The following SLC49A4 variants were observed in gnomAD, a reference collection of about 807,000 sequenced individuals.
SLC49A4 encodes disrupted in renal cancer protein 2.
Under a neutral mutation model 50.6 loss-of-function variants are expected in SLC49A4, and 36 were observed. That is an observed-to-expected ratio of 0.71 (90% confidence interval 0.55 to 0.94). The LOEUF (loss-of-function observed/expected upper bound fraction) is 0.94, where lower values mean the gene tolerates loss of function less well. SLC49A4 is among the 40% of genes least tolerant of loss of function. The pLI is 0.00. For synonymous variants in SLC49A4, 248 were observed against 241.2 expected (o/e 1.03, Z -0.26); for missense variants, 503 against 605.7 (o/e 0.83, Z 1.78).
intron 5 of SLC49A4, among the ~76,000 whole-genome samples, chr3:122,854,952 G>T (rs1219484436): frequency 6.6e-6 from 1 of 152,108 alleles, no homozygotes; most frequent in African/African-American, 2.4e-5. Flanking sequence ...AATTAGCCGG[G>T]CGTGGTGGCG....
intron 4 of SLC49A4, among the ~76,000 whole-genome samples, chr3:122,834,106 T>G (rs1056217589): frequency 2.6e-5 from 4 of 152,196 alleles, no homozygotes; most frequent in Non-Finnish European, 5.9e-5. Flanking sequence ...CACTAGACTT[T>G]GTCATTTGAA....
intron 4 of SLC49A4, among the ~76,000 whole-genome samples, chr3:122,840,672 T>C (rs1394616259): frequency 6.6e-6 from 1 of 152,176 alleles, no homozygotes; most frequent in Non-Finnish European, 1.5e-5. Flanking sequence ...TTAAAGCACA[T>C]GTCAATTTGG....
intron 3 of SLC49A4, among the ~76,000 whole-genome samples, chr3:122,829,821 G>A (rs1560210392): frequency 6.6e-6 from 1 of 152,220 alleles, no homozygotes; most frequent in Admixed American, 6.5e-5. Flanking sequence ...ATTTTTCCAT[G>A]CCTTTTTAAA....
In SLC49A4 at chr3:122,826,916, T is replaced by C. The variant is rs564435130; in HGVS notation, c.554T>C (p.Ile185Thr). 6.2e-7 allele frequency: 1 copy of C among 1,614,224 alleles called. No homozygotes were observed. The highest frequency in any genetic ancestry group is 1.1e-5 in the South Asian group (1 of 91,086). ...SADERATATA[I>T]ASMLSYLGGA... The stretch of plus-strand genomic sequence containing the variant: ...GATGAAAGGGCCACAGCCACAGCTA[T>C]TGCATCAATGCTCAGTTATCTTGGG... The change falls in exon 3 of 9, where the codon ATT becomes ACT. Residue 185 changes from isoleucine to threonine, a missense_variant. Physicochemically the swap from Ile to Thr is moderately conservative, Grantham distance 89. Coordinates refer to ENST00000261038, the MANE Select transcript of SLC49A4 (RefSeq NM_032839.3).
intron 6 of SLC49A4, among the ~76,000 whole-genome samples, 172 bp downstream of exon 6, chr3:122,856,546 C>T (rs976558953): frequency 6.6e-6 from 1 of 152,172 alleles, no homozygotes; most frequent in Non-Finnish European, 1.5e-5. Context: ...TATAGAATTG[C>T]TGCTAACAGG....
intron 1 of SLC49A4, among the ~76,000 whole-genome samples, chr3:122,805,395 G>T (rs191094385): frequency 6.6e-6 from 1 of 152,070 alleles, no homozygotes; most frequent in Non-Finnish European, 1.5e-5. Context: ...TATTTTCTTT[G>T]CTATGTTTGA....
chr3:122,863,091 G>A (rs1173235488), intron 7 of SLC49A4, among the ~76,000 whole-genome samples: 1 of 152,170 alleles, frequency 6.6e-6, no homozygotes, highest in Non-Finnish European at 1.5e-5. Context: ...GAATTTATAA[G>A]TTCTACTGTT....
At chr3:122,869,184 G>T (rs887549597) in intron 7 of SLC49A4, among the ~76,000 whole-genome samples, 3 of 151,900 alleles carry the variant, frequency 2.0e-5, no homozygotes, top group African/African-American at 7.3e-5. Context: ...TCAAGTAGTA[G>T]AAAAAGAGTA....
intron 3 of SLC49A4, among the ~76,000 whole-genome samples, chr3:122,829,037 A>C (rs1435494163): frequency 6.6e-6 from 1 of 152,236 alleles, no homozygotes; most frequent in Non-Finnish European, 1.5e-5. Flanking sequence ...AGACTGTCCC[A>C]GGACTTCATT....
chr3:122,851,993 C>CTTTT (rs368287566), intron 5 of SLC49A4, among the ~76,000 whole-genome samples: 3 of 128,030 alleles, frequency 2.3e-5, no homozygotes, highest in East Asian at 2.2e-4. Context: ...ATCTTTGATT[C>CTTTT]TTTTTTTTTT....
chr3:122,796,306 A>G (rs1239431614), intron 1 of SLC49A4, among the ~76,000 whole-genome samples: 1 of 152,198 alleles, frequency 6.6e-6, no homozygotes, highest in Non-Finnish European at 1.5e-5. Flanking sequence ...GCAAGATTTT[A>G]TATTTATTAA....
At chr3:122,804,593 G>A (rs528111156) in intron 1 of SLC49A4, among the ~76,000 whole-genome samples, 6 of 152,194 alleles carry the variant, frequency 3.9e-5, no homozygotes, top group Admixed American at 6.5e-5. Context: ...ACACTTGGCA[G>A]CAATTAAAAA....
chr3:122,866,936 C>G (rs969885614), intron 7 of SLC49A4, among the ~76,000 whole-genome samples: 12 of 152,018 alleles, frequency 7.9e-5, no homozygotes, highest in African/African-American at 2.4e-4. Context: ...TAATTATCAT[C>G]TTAACACTGT....
intron 3 of SLC49A4, among the ~76,000 whole-genome samples, chr3:122,831,871 A>G (rs1936612872): frequency 6.6e-6 from 1 of 152,084 alleles, no homozygotes; most frequent in African/African-American, 2.4e-5. Flanking sequence ...GTGCTCATTC[A>G]GTATTACTAA....
At chr3:122,839,030 TA>T (rs1936732090) in intron 4 of SLC49A4, among the ~76,000 whole-genome samples, 1 of 152,036 alleles carries the variant, frequency 6.6e-6, no homozygotes. Context: ...GGTACTGGTA[TA>T]AAAGTAGTCA....
intron 3 of SLC49A4, among the ~76,000 whole-genome samples, chr3:122,828,745 C>T (rs1936571164): frequency 6.6e-6 from 1 of 152,142 alleles, no homozygotes; most frequent in African/African-American, 2.4e-5. Flanking sequence ...ACCTCCTTTA[C>T]ACAACTTATT....
chr3:122,841,627 C>T (rs1388571942), intron 4 of SLC49A4, among the ~76,000 whole-genome samples: 1 of 152,180 alleles, frequency 6.6e-6, no homozygotes. Context: ...AAATTAAAAA[C>T]TCAGTTCCTT....
chr3:122,798,329 A>T (rs1309142800), intron 1 of SLC49A4, among the ~76,000 whole-genome samples: 2 of 152,114 alleles, frequency 1.3e-5, no homozygotes, highest in Non-Finnish European at 2.9e-5. Context: ...CACCCTTCTT[A>T]TTATAATTGT....
rs766647865 is a variant in SLC49A4 at position 122,856,380 on chromosome 3, A to T, written c.1010+6A>T. 2 of 1,613,736 alleles carry T rather than the reference A, an allele frequency of 1.2e-6. No individual in the cohort carries two copies. The highest frequency in any genetic ancestry group is 4.5e-5 in the East Asian group (2 of 44,846). Reference sequence around the variant, plus strand: ...GTTGGAATAGCTATGGCAAGGTGAGAATATTTTGTTAAACTTGTGAGTGGA... The same window carrying T: ...GTTGGAATAGCTATGGCAAGGTGAGTATATTTTGTTAAACTTGTGAGTGGA... On this transcript the variant is annotated splice_donor_region_variant and intron_variant, in intron 6 of 8. Coordinates refer to ENST00000261038, the MANE Select transcript of SLC49A4 (RefSeq NM_032839.3).
Sources: allele counts gnomAD v4.1 joint callset (sites outside exome capture counted in the v4.1 genomes callset), GRCh38; gene constraint gnomAD v4.1.1; transcripts MANE v1.5; gene names NCBI Gene and HGNC (gene_info 2026-07-23, HGNC 2026-07-21).